ZFAT: variants seen among roughly 807,000 people sequenced by gnomAD.
ZFAT encodes zinc finger protein ZFAT.
ZFAT carries 64 observed loss-of-function variants against 117.7 expected under a neutral mutation model. That is an observed-to-expected ratio of 0.54 (90% CI 0.44 to 0.67). The LOEUF (loss-of-function observed/expected upper bound fraction) is 0.67, where lower values mean the gene tolerates loss of function less well. Ranked by LOEUF, ZFAT falls within the 30% of genes least tolerant of loss-of-function variation. The pLI is 0.00. For missense variants in ZFAT, 1,433 were observed against 1,584.5 expected, an observed-to-expected ratio of 0.90 and a Z score of 1.62; for synonymous variants, 679 against 615.0, an observed-to-expected ratio of 1.10 and a Z score of -1.54.
At chr8:134,608,683 T>G (rs755819112) in intron 5 of ZFAT, 46 bp downstream of exon 5, 13 of 1,592,832 alleles carry the variant, frequency 8.2e-6, no homozygotes, top group Non-Finnish European at 1.1e-5. Flanking sequence ...TGGAGTTCAC[T>G]CACATGCAAC....
chr8:134,561,198 T>C (rs959819487), intron 11 of ZFAT, among the ~76,000 whole-genome samples: 2 of 152,262 alleles, frequency 1.3e-5, no homozygotes, highest in African/African-American at 4.8e-5. Flanking sequence ...GGTTACACTA[T>C]GATAATCATC....
chr8:134,734,334 C>G, the ZFAT span, among the ~76,000 whole-genome samples: 1 of 152,252 alleles, frequency 6.6e-6, no homozygotes, highest in South Asian at 2.1e-4. Flanking sequence ...TGTTCCTATA[C>G]CCTTGTGACC....
the ZFAT span, among the ~76,000 whole-genome samples, chr8:134,782,976 A>AAG: frequency 8.0e-5 from 12 of 150,540 alleles, no homozygotes; most frequent in Non-Finnish European, 1.2e-4. Context: ...CAAATATGTA[A>AAG]ATATATATAT....
intron 1 of ZFAT, among the ~76,000 whole-genome samples, chr8:134,671,448 C>T (rs1474570386): frequency 1.3e-5 from 2 of 152,160 alleles, no homozygotes; most frequent in African/African-American, 2.4e-5. Context: ...GCTGGTTCAA[C>T]ATACACAAAT....
At chr8:134,491,005 G>A (rs1159571339) in intron 15 of ZFAT, among the ~76,000 whole-genome samples, 2 of 152,306 alleles carry the variant, frequency 1.3e-5, no homozygotes, top group Non-Finnish European at 2.9e-5. Context: ...GAAAGCTGCA[G>A]GTGTGGGCAA....
chr8:134,565,201 TGTACCA>T, intron 11 of ZFAT, 126 bp downstream of exon 11: 1 of 1,542,222 alleles, frequency 6.5e-7, no homozygotes, highest in African/African-American at 1.4e-5. Flanking sequence ...AGACTCCACG[TGTACCA>T]GCTAAGGGGG....
intron 2 of ZFAT, among the ~76,000 whole-genome samples, chr8:134,641,980 C>T (rs994556239): frequency 2.0e-5 from 3 of 152,212 alleles, no homozygotes; most frequent in Admixed American, 6.5e-5. Context: ...ACATTATCAA[C>T]AATTTAATAA....
chr8:134,682,287 G>A (rs750509281), intron 1 of ZFAT, among the ~76,000 whole-genome samples: 1 of 152,146 alleles, frequency 6.6e-6, no homozygotes, highest in Non-Finnish European at 1.5e-5. Flanking sequence ...AGATAAAAAC[G>A]CTGCCAAATA....
the ZFAT span, chr8:134,766,502 G>C: frequency 6.6e-6 from 1 of 152,286 alleles, no homozygotes. Context: ...ATGCGTGTCT[G>C]CTTCCAAACC....
At chr8:134,645,281 G>A (rs952241285) in intron 2 of ZFAT, among the ~76,000 whole-genome samples, 3 of 152,216 alleles carry the variant, frequency 2.0e-5, no homozygotes, top group Non-Finnish European at 2.9e-5. Context: ...GAATTGTGAA[G>A]GTTAAACCTG....
At chr8:134,649,029 C>A (rs1310577019) in intron 2 of ZFAT, among the ~76,000 whole-genome samples, 9 of 151,644 alleles carry the variant, frequency 5.9e-5, no homozygotes, top group African/African-American at 1.5e-4. Context: ...AGAAAAAAAA[C>A]CACATGGTCA....
intron 1 of ZFAT, among the ~76,000 whole-genome samples, chr8:134,669,351 A>T (rs1832430561): frequency 6.6e-6 from 1 of 152,244 alleles, no homozygotes; most frequent in Admixed American, 6.5e-5. Context: ...GCACCCAGAC[A>T]GAAAAGTCGG....
intron 2 of ZFAT, among the ~76,000 whole-genome samples, chr8:134,653,192 A>C (rs1831361765): frequency 6.9e-6 from 1 of 144,598 alleles, no homozygotes; most frequent in African/African-American, 2.5e-5. Context: ...ATAATACTTT[A>C]AGTTTTAGGG....
intron 10 of ZFAT, among the ~76,000 whole-genome samples, chr8:134,566,058 T>C (rs1163981383): frequency 4.0e-5 from 6 of 151,758 alleles, no homozygotes; most frequent in African/African-American, 1.5e-4. Flanking sequence ...GGGAGAATGC[T>C]AGAAAGAAAA....
intron 2 of ZFAT, among the ~76,000 whole-genome samples, chr8:134,640,227 G>A (rs1255830328): frequency 6.6e-6 from 1 of 152,184 alleles, no homozygotes; most frequent in Non-Finnish European, 1.5e-5. Flanking sequence ...AATTATCAAA[G>A]CTGAGAGAGG....
intron 1 of ZFAT, among the ~76,000 whole-genome samples, chr8:134,671,964 A>G (rs1350538026): frequency 6.6e-6 from 1 of 152,228 alleles, no homozygotes; most frequent in African/African-American, 2.4e-5. Flanking sequence ...CCAATAACGG[A>G]CAAACAGAGA....
At chr8:134,687,431 C>A (rs1392482536) in intron 1 of ZFAT, among the ~76,000 whole-genome samples, 1 of 152,164 alleles carries the variant, frequency 6.6e-6, no homozygotes, top group East Asian at 1.9e-4. Flanking sequence ...GGCATAAATT[C>A]TTTTAAGTTA....
intron 5 of ZFAT, among the ~76,000 whole-genome samples, chr8:134,608,458 T>A (rs10112207): frequency 6.6e-6 from 1 of 152,072 alleles, no homozygotes; most frequent in East Asian, 1.9e-4. Flanking sequence ...TAAAAAATAG[T>A]TTTTCTTTAA....
chr8:134,822,527 T>C, the ZFAT span, among the ~76,000 whole-genome samples: 1 of 152,174 alleles, frequency 6.6e-6, no homozygotes, highest in Non-Finnish European at 1.5e-5. Context: ...ATTTCTGATT[T>C]TCAAAACACA....
Sources: allele counts gnomAD v4.1 joint callset (sites outside exome capture counted in the v4.1 genomes callset), GRCh38; gene constraint gnomAD v4.1.1; transcripts MANE v1.5; gene names NCBI Gene and HGNC (gene_info 2026-07-23, HGNC 2026-07-21).